DNAJB6: variants seen among roughly 807,000 people sequenced by gnomAD.
DNAJB6 encodes the protein DnaJ heat shock protein family (Hsp40) member B6.
A neutral mutation model predicts 42.7 loss-of-function variants in DNAJB6; 16 were observed. The ratio of observed to expected loss-of-function variants is 0.37; its 90% CI spans 0.25 to 0.57. The LOEUF is 0.57. Among genes scored for constraint, DNAJB6 ranks in the 20% least tolerant of loss-of-function variants. DNAJB6 has a pLI of 0.74. For missense variants in DNAJB6, 347 were observed against 416.8 expected, an observed-to-expected ratio of 0.83 and a Z score of 1.46; for synonymous variants, 170 against 163.5, an observed-to-expected ratio of 1.04 and a Z score of -0.30.
intron 1 of DNAJB6, among the ~76,000 whole-genome samples, chr7:157,349,294 C>T (rs1798850280): frequency 6.6e-6 from 1 of 152,142 alleles, no homozygotes; most frequent in African/African-American, 2.4e-5. Context: ...TAAATTCAAT[C>T]AGAATGACAA....
intron 1 of DNAJB6, among the ~76,000 whole-genome samples, chr7:157,352,304 C>T (rs1241043777): frequency 6.6e-6 from 1 of 151,824 alleles, no homozygotes; most frequent in South Asian, 2.1e-4. Flanking sequence ...ACTCTGGCGA[C>T]AGAGCAAGAC....
At chr7:157,386,117 C>T (rs1256424345) in intron 8 of DNAJB6, 2 of 967,116 alleles carry the variant, frequency 2.1e-6, no homozygotes, top group Non-Finnish European at 1.2e-6. Context: ...TAATACATTT[C>T]TGGTTTAATA....
intron 8 of DNAJB6, among the ~76,000 whole-genome samples, chr7:157,400,252 C>CG (rs1554467425): frequency 1.2e-4 from 5 of 42,060 alleles, no homozygotes; most frequent in African/African-American, 3.3e-4. Flanking sequence ...GTGCTCGCGT[C>CG]TAGGGAGTTC....
chr7:157,346,758 A>G (rs1010459626), intron 1 of DNAJB6, among the ~76,000 whole-genome samples: 2 of 152,242 alleles, frequency 1.3e-5, no homozygotes, highest in Non-Finnish European at 2.9e-5. Flanking sequence ...AGCTTGCAGC[A>G]AACAGTGGGG....
intron 1 of DNAJB6, among the ~76,000 whole-genome samples, chr7:157,344,438 G>A (rs1798579101): frequency 6.6e-6 from 1 of 151,918 alleles, no homozygotes. Context: ...GCTGGAACCA[G>A]GGAGGTGGAG....
chr7:157,386,786 A>C (rs1331165052), intron 8 of DNAJB6, among the ~76,000 whole-genome samples: 4 of 151,970 alleles, frequency 2.6e-5, no homozygotes, highest in Non-Finnish European at 2.9e-5. Context: ...CTGGAGGCTG[A>C]GGCAGAAGAA....
chr7:157,375,081 A>T (rs1217526302), intron 5 of DNAJB6, among the ~76,000 whole-genome samples: 1 of 152,152 alleles, frequency 6.6e-6, no homozygotes, highest in African/African-American at 2.4e-5. Flanking sequence ...AAGATGTAGG[A>T]AGAGTGATTT....
chr7:157,370,699 G>A (rs1045271632), intron 5 of DNAJB6: 1 of 152,654 alleles, frequency 6.6e-6, no homozygotes, highest in Admixed American at 6.5e-5. Context: ...CCTATTTTAA[G>A]ACCAGGTACC....
intron 2 of DNAJB6, among the ~76,000 whole-genome samples, chr7:157,362,381 A>T (rs979243104): frequency 1.3e-5 from 2 of 151,908 alleles, no homozygotes; most frequent in Non-Finnish European, 2.9e-5. Context: ...TTCCCTTTTT[A>T]AAAATTTTTT....
At chr7:157,407,354 G>A (rs527600153) in intron 8 of DNAJB6, among the ~76,000 whole-genome samples, 39 of 152,322 alleles carry the variant, frequency 2.6e-4, no homozygotes, top group African/African-American at 9.1e-4. Flanking sequence ...CTGTGCCCCG[G>A]GGAAGACTTC....
At chr7:157,365,664 A>G (rs1485930592) in intron 3 of DNAJB6, among the ~76,000 whole-genome samples, 1 of 152,050 alleles carries the variant, frequency 6.6e-6, no homozygotes, top group Non-Finnish European at 1.5e-5. Context: ...GAATAAAGAA[A>G]AAAATTTTTT....
intron 8 of DNAJB6, among the ~76,000 whole-genome samples, chr7:157,402,654 G>A (rs1013322466): frequency 1.3e-4 from 20 of 152,220 alleles, no homozygotes; most frequent in African/African-American, 4.6e-4. Context: ...GAGAAGTAGC[G>A]ATGTGTCTTG....
chr7:157,414,541 C>G (rs1796063680), intron 9 of DNAJB6: 1 of 152,314 alleles, frequency 6.6e-6, no homozygotes, highest in Non-Finnish European at 1.5e-5. Flanking sequence ...TTCTTTCTTT[C>G]CGTAACCGTA....
intron 5 of DNAJB6, chr7:157,380,547 T>G (rs541262476): frequency 6.6e-6 from 1 of 152,312 alleles, no homozygotes; most frequent in Non-Finnish European, 1.5e-5. Context: ...AGTAACCGTT[T>G]GAGTAACTTC....
At chr7:157,347,066 A>T (rs1448932226) in intron 1 of DNAJB6, among the ~76,000 whole-genome samples, 4 of 151,978 alleles carry the variant, frequency 2.6e-5, no homozygotes, top group Non-Finnish European at 5.9e-5. Context: ...CGTGTTAGCT[A>T]GGATGGTCTT....
At chr7:157,368,457 C>T (rs1387878054) in intron 5 of DNAJB6, among the ~76,000 whole-genome samples, 1 of 152,174 alleles carries the variant, frequency 6.6e-6, no homozygotes, top group Non-Finnish European at 1.5e-5. Context: ...GGAAAGGCAC[C>T]TCTAGAGCAA....
chr7:157,408,521 CT>C (rs1351045291), intron 8 of DNAJB6, among the ~76,000 whole-genome samples: 2 of 152,220 alleles, frequency 1.3e-5, no homozygotes, highest in African/African-American at 2.4e-5. Context: ...AATTTCTGCA[CT>C]TGTGTGGGGG....
chr7:157,405,783 C>T (rs1215600257), intron 8 of DNAJB6, among the ~76,000 whole-genome samples: 5 of 152,218 alleles, frequency 3.3e-5, no homozygotes, highest in South Asian at 2.1e-4. Context: ...AGGCCGAGTC[C>T]GAGGCGAGAG....
intron 5 of DNAJB6, among the ~76,000 whole-genome samples, chr7:157,375,047 G>GA (rs1800402842): frequency 6.6e-6 from 1 of 152,210 alleles, no homozygotes; most frequent in South Asian, 2.1e-4. Flanking sequence ...CTCCCAGGGG[G>GA]AGATGTTCTG....
Sources: gnomAD v4.1 joint callset for allele counts (sites outside exome capture counted in the v4.1 genomes callset) on GRCh38, gnomAD v4.1.1 for gene constraint, MANE v1.5 for transcripts, NCBI Gene and HGNC (gene_info 2026-07-23, HGNC 2026-07-21) for gene names.